NRG3: variants seen among roughly 807,000 people sequenced by gnomAD.
NRG3 encodes pro-neuregulin-3, membrane-bound isoform.
Under a neutral mutation model 66.9 loss-of-function variants are expected in NRG3, and 31 were observed. The observed-to-expected ratio is 0.46, with a 90% CI of 0.35 to 0.63. The LOEUF (loss-of-function observed/expected upper bound fraction) is 0.63, where lower values mean the gene tolerates loss of function less well. Ranked by LOEUF, NRG3 falls within the 20% of genes least tolerant of loss-of-function variation. NRG3 has a pLI of 0.00. For missense variants in NRG3, 910 were observed against 878.9 expected, an observed-to-expected ratio of 1.04 and a Z score of -0.45; for synonymous variants, 393 against 359.4, an observed-to-expected ratio of 1.09 and a Z score of -1.06.
intron 2 of NRG3, among the ~76,000 whole-genome samples, chr10:82,590,676 G>A (rs1222990396): frequency 6.6e-6 from 1 of 152,116 alleles, no homozygotes; most frequent in South Asian, 2.1e-4. Flanking sequence ...GCTCAGCTTG[G>A]GCTGTAGAGT....
chr10:82,870,800 C>G (rs183294234), intron 4 of NRG3, among the ~76,000 whole-genome samples: 1 of 152,042 alleles, frequency 6.6e-6, no homozygotes, highest in East Asian at 1.9e-4. Context: ...GTTAAGAATT[C>G]TTTGTATTTT....
intron 4 of NRG3, among the ~76,000 whole-genome samples, chr10:82,898,452 G>A (rs1405397048): frequency 1.3e-5 from 2 of 152,120 alleles, no homozygotes; most frequent in African/African-American, 2.4e-5. Flanking sequence ...TGCTCACAGG[G>A]CCAGCTCAGA....
intron 2 of NRG3, among the ~76,000 whole-genome samples, chr10:82,470,671 G>A (rs1841164813): frequency 1.3e-5 from 2 of 152,298 alleles, no homozygotes; most frequent in South Asian, 4.1e-4. Context: ...CTGTGTCTCA[G>A]TGACAAACCT....
At chr10:82,062,944 A>T (rs532966011) in intron 1 of NRG3, among the ~76,000 whole-genome samples, 3 of 152,070 alleles carry the variant, frequency 2.0e-5, no homozygotes, top group Non-Finnish European at 4.4e-5. Flanking sequence ...GAGGACTAAT[A>T]TTGCCATTCT....
chr10:82,379,325 G>A (rs557236975), intron 2 of NRG3, among the ~76,000 whole-genome samples: 12 of 152,136 alleles, frequency 7.9e-5, no homozygotes, highest in African/African-American at 2.4e-4. Context: ...ACGCTTGGGG[G>A]GAAATGAGCT....
At chr10:82,176,410 T>A (rs1490872156) in intron 1 of NRG3, among the ~76,000 whole-genome samples, 1 of 152,178 alleles carries the variant, frequency 6.6e-6, no homozygotes, top group East Asian at 1.9e-4. Context: ...CCTGGAATCC[T>A]GGAGACCTCC....
At chr10:82,877,095 C>G (rs1482942994) in intron 4 of NRG3, among the ~76,000 whole-genome samples, 1 of 151,576 alleles carries the variant, frequency 6.6e-6, no homozygotes, top group Non-Finnish European at 1.5e-5. Flanking sequence ...TTTTTATATC[C>G]AATTCTGCCT....
chr10:82,729,338 G>T (rs954185027), intron 2 of NRG3, among the ~76,000 whole-genome samples: 1 of 152,002 alleles, frequency 6.6e-6, no homozygotes, highest in Admixed American at 6.5e-5. Context: ...CTTCATAAGG[G>T]CAATTATTAT....
At chr10:82,056,087 TA>T (rs1193314181) in intron 1 of NRG3, among the ~76,000 whole-genome samples, 2 of 152,178 alleles carry the variant, frequency 1.3e-5, no homozygotes, top group African/African-American at 4.8e-5. Flanking sequence ...TTGTGCCTTT[TA>T]AAAAATTTTG....
intron 2 of NRG3, among the ~76,000 whole-genome samples, chr10:82,496,589 TG>T (rs1258342507): frequency 2.0e-5 from 3 of 152,202 alleles, no homozygotes; most frequent in African/African-American, 7.2e-5. Context: ...ATATTGTCTA[TG>T]TTTTATCCTG....
At chr10:82,954,255 T>C (rs1018636923) in intron 5 of NRG3, among the ~76,000 whole-genome samples, 1 of 151,984 alleles carries the variant, frequency 6.6e-6, no homozygotes, top group Admixed American at 6.5e-5. Flanking sequence ...TACAGTATAA[T>C]GTGTAGTTGT....
chr10:82,619,234 A>T (rs934307951), intron 2 of NRG3, among the ~76,000 whole-genome samples: 1 of 152,178 alleles, frequency 6.6e-6, no homozygotes, highest in Admixed American at 6.5e-5. Flanking sequence ...AGAATAAAAA[A>T]GTTTTCTCTA....
intron 4 of NRG3, among the ~76,000 whole-genome samples, chr10:82,893,951 A>G (rs567866896): frequency 2.8e-4 from 42 of 152,360 alleles, no homozygotes; most frequent in Admixed American, 9.1e-4. Context: ...AGATGAGACA[A>G]AAGTTGGTTA....
chr10:82,381,350 A>G (rs2085606783), intron 2 of NRG3, among the ~76,000 whole-genome samples: 1 of 152,214 alleles, frequency 6.6e-6, no homozygotes, highest in Non-Finnish European at 1.5e-5. Context: ...ACTAACATCT[A>G]TTGATCCTTT....
intron 2 of NRG3, among the ~76,000 whole-genome samples, chr10:82,614,734 T>C (rs2048529329): frequency 6.6e-6 from 1 of 152,142 alleles, no homozygotes; most frequent in Non-Finnish European, 1.5e-5. Context: ...AAACACTTGT[T>C]TTCTCCTGAC....
intron 3 of NRG3, among the ~76,000 whole-genome samples, chr10:82,848,831 G>C (rs1479597875): frequency 6.6e-6 from 1 of 152,236 alleles, no homozygotes; most frequent in Non-Finnish European, 1.5e-5. Context: ...TTTTATAAAG[G>C]GTGGTTCCCC....
intron 1 of NRG3, among the ~76,000 whole-genome samples, chr10:82,289,313 A>G (rs533162485): frequency 6.5e-4 from 99 of 152,040 alleles, no homozygotes; most frequent in African/African-American, 2.3e-3. Flanking sequence ...CTCCTCAGGC[A>G]AAATCCCTTC....
intron 5 of NRG3, among the ~76,000 whole-genome samples, chr10:82,957,881 CA>C (rs1164360300): frequency 7.4e-6 from 1 of 135,844 alleles, no homozygotes; most frequent in African/African-American, 2.8e-5. Context: ...GTCAACACTG[CA>C]AAGAGGTGTG....
intron 2 of NRG3, among the ~76,000 whole-genome samples, chr10:82,423,155 C>T (rs539393256): frequency 1.3e-5 from 2 of 151,786 alleles, no homozygotes; most frequent in African/African-American, 2.4e-5. Context: ...AAGATTATTT[C>T]TCTGATGTCT....
Sources: allele counts gnomAD v4.1 joint callset (sites outside exome capture counted in the v4.1 genomes callset), GRCh38; gene constraint gnomAD v4.1.1; transcripts MANE v1.5; gene names NCBI Gene and HGNC (gene_info 2026-07-23, HGNC 2026-07-21).